The following TEX9 variants were observed in gnomAD, a reference collection of about 807,000 sequenced individuals.
TEX9 encodes testis expressed 9.
Under a neutral mutation model 59.6 loss-of-function variants are expected in TEX9, and 74 were observed. The observed-to-expected ratio is 1.24, with a 90% CI of 1.03 to 1.51. The LOEUF (loss-of-function observed/expected upper bound fraction) is 1.51, where lower values mean the gene tolerates loss of function less well. TEX9 is among the 40% of genes most tolerant of loss of function. The pLI is 0.00. For missense variants in TEX9, 522 were observed against 447.8 expected, an observed-to-expected ratio of 1.17 and a Z score of -1.49; for synonymous variants, 186 against 152.2, an observed-to-expected ratio of 1.22 and a Z score of -1.64.
At chr15:56,287,124 T>C (rs1247288007) in intron 1 of TEX9, among the ~76,000 whole-genome samples, 1 of 152,170 alleles carries the variant, frequency 6.6e-6, no homozygotes, top group African/African-American at 2.4e-5. Context: ...GTTATGTCAA[T>C]AGGAGAACTA....
chr15:56,364,945 A>G (rs942508085), upstream of TEX9, among the ~76,000 whole-genome samples: 1 of 152,222 alleles, frequency 6.6e-6, no homozygotes, highest in African/African-American at 2.4e-5. Flanking sequence ...CCAAGGCCAT[A>G]TAACTGGTAA....
intron 1 of TEX9, among the ~76,000 whole-genome samples, chr15:56,317,491 T>C (rs569590062): frequency 1.3e-5 from 2 of 152,328 alleles, no homozygotes; most frequent in African/African-American, 4.8e-5. Flanking sequence ...CCAACTTCTA[T>C]TGATTTTCTC....
upstream of TEX9, among the ~76,000 whole-genome samples, chr15:56,363,140 T>G (rs937925310): frequency 6.6e-6 from 1 of 152,208 alleles, no homozygotes; most frequent in Admixed American, 6.5e-5. Flanking sequence ...GTTTGGTAAC[T>G]CTGTGTATAA....
intron 9 of TEX9, among the ~76,000 whole-genome samples, chr15:56,405,175 G>A (rs1457592378): frequency 2.0e-5 from 3 of 151,918 alleles, no homozygotes; most frequent in Admixed American, 2.0e-4. Context: ...GTGGTGGTGG[G>A]CGCCTGTAGT....
chr15:56,444,395 A>G (rs2050871572), intron 12 of TEX9: 3 of 1,491,910 alleles, frequency 2.0e-6, no homozygotes, highest in South Asian at 2.5e-5. Flanking sequence ...AACCTGTGAT[A>G]TATCTAAAGT....
At chr15:56,302,975 T>C (rs900332216) in intron 1 of TEX9, among the ~76,000 whole-genome samples, 1 of 152,226 alleles carries the variant, frequency 6.6e-6, no homozygotes, top group South Asian at 2.1e-4. Flanking sequence ...AGTCATTGTA[T>C]AATTATAAAG....
At chr15:56,329,151 G>A (rs2046088633) in intron 1 of TEX9, among the ~76,000 whole-genome samples, 1 of 152,156 alleles carries the variant, frequency 6.6e-6, no homozygotes. Flanking sequence ...GTAATCAAGA[G>A]CATTCTTCTG....
intron 1 of TEX9, among the ~76,000 whole-genome samples, chr15:56,283,804 G>GA (rs1355439315): frequency 9.9e-5 from 15 of 150,808 alleles, no homozygotes; most frequent in Admixed American, 2.6e-4. Context: ...AAACCTGGAA[G>GA]AAAAAAAAAT....
intron 1 of TEX9, among the ~76,000 whole-genome samples, chr15:56,275,314 G>A (rs1266783679): frequency 1.3e-5 from 2 of 152,130 alleles, no homozygotes; most frequent in Non-Finnish European, 2.9e-5. Flanking sequence ...GTGGACAAAG[G>A]ACCAAGCATA....
chr15:56,308,201 G>A (rs765241485), intron 1 of TEX9, among the ~76,000 whole-genome samples: 10 of 152,160 alleles, frequency 6.6e-5, no homozygotes, highest in Non-Finnish European at 1.2e-4. Flanking sequence ...CAGTGTATAA[G>A]GGTTCCAATT....
chr15:56,424,008 T>C (rs956015818), intron 10 of TEX9, among the ~76,000 whole-genome samples: 1 of 152,156 alleles, frequency 6.6e-6, no homozygotes, highest in Non-Finnish European at 1.5e-5. Flanking sequence ...ATCTAATTGG[T>C]CTATAATGTT....
intron 9 of TEX9, chr15:56,397,220 T>G (rs747970930): frequency 1.3e-5 from 2 of 156,516 alleles, no homozygotes; most frequent in African/African-American, 2.4e-5. Context: ...TGTTATGTTT[T>G]AGCAAAGAGA....
intron 1 of TEX9, among the ~76,000 whole-genome samples, chr15:56,318,222 C>G (rs1387654716): frequency 6.6e-6 from 1 of 151,960 alleles, no homozygotes; most frequent in African/African-American, 2.4e-5. Flanking sequence ...ATTTATGTTC[C>G]TAATGCGTTG....
rs557020695 is a variant in TEX9, at chr15:56,278,750, G to C, written c.-107+34472G>C. ...TGAGGAAAGTTTCTCATAGGTTTTG[G>C]GTTCCTCAAAAATTCAGTCTGTCAT... On this transcript the variant is annotated intron_variant, in intron 1 of 5. Coordinates refer to the TEX9 transcript ENST00000560827. Among the ~76,000 whole-genome samples the C allele has an allele frequency of 6.8e-4, 103 of 151,868 alleles. 1 individual carries two copies. The highest frequency in any genetic ancestry group is 2.3e-3 in the African/African-American group (97 of 41,438).
rs1422545918 is a variant in TEX9, at chr15:56,428,983, A to G, written c.*29+510A>G. The G allele has an allele frequency of 1.4e-4, 81 of 575,238 alleles. 2 individuals are homozygous for G. Among genetic ancestry groups the G allele is most frequent in the Non-Finnish European group, 2.3e-4 (78 of 334,200 alleles). The allele number at this position is 575,238 out of a possible 1,614,324, so 35.6% of individuals were successfully genotyped here. A position where few individuals can be genotyped will look rare whatever the true frequency, so the allele number is the denominator to read the frequency against. On this transcript the variant is annotated intron_variant, in intron 12 of 12. Transcript: ENST00000352903. Reference sequence around the variant, plus strand: ...TTACAAGTTATGAAATTCAGTGATGATTTACAAAATCCAAACAGACAATGG... The same window carrying G: ...TTACAAGTTATGAAATTCAGTGATGGTTTACAAAATCCAAACAGACAATGG...
intron 1 of TEX9, among the ~76,000 whole-genome samples, chr15:56,349,594 C>G (rs1213489333): frequency 1.3e-5 from 2 of 152,114 alleles, no homozygotes; most frequent in Non-Finnish European, 2.9e-5. Context: ...AACCCACACC[C>G]TGCTATTCCC....
At chr15:56,438,664 A>C (rs1347569185) in intron 12 of TEX9, among the ~76,000 whole-genome samples, 2 of 152,206 alleles carry the variant, frequency 1.3e-5, no homozygotes, top group African/African-American at 4.8e-5. Flanking sequence ...TAAACTAAAG[A>C]GCTTCCGCAC....
chr15:56,439,345 T>C (rs747610491), intron 12 of TEX9, among the ~76,000 whole-genome samples: 33 of 152,058 alleles, frequency 2.2e-4, no homozygotes, highest in Middle Eastern at 3.2e-3. Context: ...CAAACTGATA[T>C]TCAAATTTAA....
chr15:56,392,133 T>C (rs1029743908), intron 7 of TEX9, among the ~76,000 whole-genome samples: 29 of 152,360 alleles, frequency 1.9e-4, no homozygotes, highest in Middle Eastern at 3.4e-3. Context: ...TAGCAGTTTA[T>C]TCATTTGAAA....
Sources: gnomAD v4.1 joint callset for allele counts (sites outside exome capture counted in the v4.1 genomes callset) on GRCh38, gnomAD v4.1.1 for gene constraint, MANE v1.5 for transcripts, NCBI Gene and HGNC (gene_info 2026-07-23, HGNC 2026-07-21) for gene names.